Variants in ALLC observed in about 807,000 individuals in gnomAD.
ALLC encodes allantoicase, also known as probable inactive allantoicase.
ALLC carries 40 observed loss-of-function variants against 45.0 expected under a neutral mutation model. The observed-to-expected ratio is 0.89, with a 90% CI of 0.69 to 1.16. ALLC has a LOEUF of 1.16. Ranked by LOEUF, ALLC falls within the 50% of genes most tolerant of loss-of-function variation. The pLI, the probability that ALLC is intolerant of heterozygous loss-of-function variation, is 0.00. For missense variants in ALLC, 488 were observed against 493.1 expected, an observed-to-expected ratio of 0.99 and a Z score of 0.10; for synonymous variants, 176 against 178.1, an observed-to-expected ratio of 0.99 and a Z score of 0.09.
intron 9 of ALLC, 89 bp downstream of exon 9, chr2:3,696,437 A>G (rs1667675997): frequency 8.9e-7 from 1 of 1,124,112 alleles, no homozygotes; most frequent in African/African-American, 1.6e-5. Flanking sequence ...TGCACATTTT[A>G]GAAACCTCAT....
intron 1 of ALLC, among the ~76,000 whole-genome samples, chr2:3,664,720 C>A (rs1191698985): frequency 6.6e-6 from 1 of 151,668 alleles, no homozygotes; most frequent in African/African-American, 2.4e-5. Context: ...CCTGTCTCTA[C>A]AAAAAAAGTA....
In ALLC at chr2:3,702,505, T is replaced by A; in HGVS notation, c.1118T>A (p.Leu373Gln). The change falls in exon 12 of 12, where the codon CTG becomes CAG. Residue 373 changes from leucine to glutamine, a missense_variant. Leu to Gln is a moderately radical substitution (Grantham distance 113). Transcript: ENST00000252505. ...LRGFPSSICL[L>Q]RPREKPMLKF... ...GGCTTCCCCAGCTCCATCTGCCTCC[T>A]GAGGCCCCGGGAGAAGCCCATGTTG... 1 of 1,610,008 alleles carries A rather than the reference T, an allele frequency of 6.2e-7. No individual in the cohort carries two copies. Among genetic ancestry groups the A allele is most frequent in the Admixed American group, 1.7e-5 (1 of 59,644 alleles).
the ALLC span, among the ~76,000 whole-genome samples, chr2:3,645,912 T>C: frequency 6.6e-6 from 1 of 152,116 alleles, no homozygotes; most frequent in East Asian, 1.9e-4. The surrounding 1 kb of genome is among the most constrained non-coding windows in gnomAD (Gnocchi z 4.3). Context: ...GGTGGGTGTA[T>C]TTGTGCACAT....
chr2:3,653,692 C>T (rs1440622525), upstream of ALLC, among the ~76,000 whole-genome samples: 1 of 152,144 alleles, frequency 6.6e-6, no homozygotes, highest in Non-Finnish European at 1.5e-5. The surrounding 1 kb of genome is among the most constrained non-coding windows in gnomAD (Gnocchi z 4.1). Context: ...TCTGCTCATC[C>T]TTGATGACCT....
At chr2:3,672,309 A>G (rs192162758) in intron 2 of ALLC, among the ~76,000 whole-genome samples, 7,021 of 27,858 alleles carry the variant, frequency 0.25, 292 homozygotes, top group Non-Finnish European at 0.28. Flanking sequence ...TTAGATCGGA[A>G]GTCCTCTGGC....
intron 1 of ALLC, among the ~76,000 whole-genome samples, chr2:3,659,023 C>T (rs916380335): frequency 1.3e-5 from 2 of 152,156 alleles, no homozygotes; most frequent in Non-Finnish European, 2.9e-5. Flanking sequence ...CCTTGGGCTG[C>T]TCAGAGTCCC....
intron 3 of ALLC, among the ~76,000 whole-genome samples, chr2:3,676,132 T>G (rs1667019810): frequency 6.6e-6 from 1 of 152,254 alleles, no homozygotes; most frequent in Non-Finnish European, 1.5e-5. Flanking sequence ...ATACAAATTT[T>G]GGTGGGGGAC....
At chr2:3,651,297 T>TG in the ALLC span, among the ~76,000 whole-genome samples, 14 of 1,686 alleles carry the variant, frequency 8.3e-3, no homozygotes, top group Admixed American at 0.015. Context: ...GAATTCTTTT[T>TG]GGGTGGGTGG....
chr2:3,678,395 C>T (rs1429875087), intron 3 of ALLC, 73 bp from the exon 4 acceptor site: 2 of 1,313,048 alleles, frequency 1.5e-6, no homozygotes, highest in Non-Finnish European at 2.2e-6. Flanking sequence ...CACTGTGGGA[C>T]AGAAGTGGAC....
the ALLC span, among the ~76,000 whole-genome samples, chr2:3,651,248 C>T: frequency 7.2e-6 from 1 of 138,096 alleles, no homozygotes; most frequent in Non-Finnish European, 1.5e-5. Flanking sequence ...GGGAGGTTTG[C>T]AGAGCCACGG....
At chr2:3,653,498 C>T (rs1016138638), upstream of ALLC, among the ~76,000 whole-genome samples, 1 of 152,192 alleles carries the variant, frequency 6.6e-6, no homozygotes, top group South Asian at 2.1e-4. This position sits in a 1 kb window ranked among gnomAD's most constrained non-coding sequence, Gnocchi z 4.1. Flanking sequence ...CAGCTACGAT[C>T]CAGCCCTTGC....
chr2:3,647,130 C>T, the ALLC span, among the ~76,000 whole-genome samples: 1 of 152,140 alleles, frequency 6.6e-6, no homozygotes, highest in East Asian at 1.9e-4. Context: ...ATATAGGGCC[C>T]CAGACAGGCT....
intron 10 of ALLC, among the ~76,000 whole-genome samples, chr2:3,700,022 T>C (rs952397020): frequency 2.6e-5 from 4 of 152,256 alleles, no homozygotes; most frequent in Admixed American, 6.5e-5. Flanking sequence ...TTGTCATTTT[T>C]TTTGCTTTTG....
the ALLC span, among the ~76,000 whole-genome samples, chr2:3,651,443 T>TGTGTGTGTG: frequency 3.0e-4 from 5 of 16,808 alleles, 1 homozygote; most frequent in Admixed American, 7.3e-4. Flanking sequence ...GTGTGTGTGT[T>TGTGTGTGTG]AGGAAGGGAG....
In ALLC at chr2:3,674,137, T is replaced by G; in HGVS notation, c.84+12T>G. 2 of 1,550,690 alleles carry G rather than the reference T, an allele frequency of 1.3e-6. No individual in the cohort carries two copies. Among genetic ancestry groups the G allele is most frequent in the Non-Finnish European group, 1.8e-6 (2 of 1,141,590 alleles). On this transcript the variant is annotated intron_variant, in intron 3 of 11. Coordinates refer to ENST00000252505, the MANE Select transcript of ALLC (RefSeq NM_018436.4). The stretch of plus-strand genomic sequence containing the variant: ...AAAACCTCATAAAGGTATTGTAAAT[T>G]GACATTCTGCAATGTAAAGGGTTGA...
At chr2:3,651,266 T>G in the ALLC span, among the ~76,000 whole-genome samples, 91,627 of 115,578 alleles carry the variant, frequency 0.79, 37,051 homozygotes, top group East Asian at 0.9. Flanking sequence ...CGGAGGGCGC[T>G]CAGGCCGCCG....
the ALLC span, among the ~76,000 whole-genome samples, chr2:3,649,520 C>T: frequency 1.3e-5 from 2 of 152,224 alleles, no homozygotes; most frequent in East Asian, 1.9e-4. Flanking sequence ...GGATTACAGG[C>T]GTGAGCCACC....
In ALLC at chr2:3,696,299, C is replaced by A. The variant is rs369048525; in HGVS notation, c.692C>A (p.Ala231Glu). The A allele has an allele frequency of 6.2e-7, 1 of 1,613,216 alleles. No individual in the cohort carries two copies. Among genetic ancestry groups the A allele is most frequent in the South Asian group, 1.1e-5 (1 of 90,918 alleles). The change falls in exon 9 of 12, where the codon GCG becomes GAG. Residue 231 changes from alanine to glutamate, a missense_variant. Transcript: ENST00000252505. ...GGAGTTGGCGGGGCAAAGTCTATGG[C>A]GGATGGTTGGGAAACTGCAAGAAGG... The part of the protein sequence containing the change: ...IIGVGGAKSM[A>E]DGWETARRLD...
chr2:3,646,074 A>T, the ALLC span, among the ~76,000 whole-genome samples: 1 of 152,096 alleles, frequency 6.6e-6, no homozygotes, highest in Non-Finnish European at 1.5e-5. Context: ...TGGAAAATAG[A>T]GTGTCTCGTT....
Sources: gnomAD v4.1 joint callset for allele counts (sites outside exome capture counted in the v4.1 genomes callset) on GRCh38, gnomAD v4.1.1 for gene constraint, Gnocchi (gnomAD v3.1) non-coding constraint, MANE v1.5 for transcripts, NCBI Gene and HGNC (gene_info 2026-07-23, HGNC 2026-07-21) for gene names.